Variants in IMPG1 observed in about 807,000 individuals in gnomAD.
IMPG1 encodes the protein interphotoreceptor matrix proteoglycan of 150 kDa.
Under a neutral mutation model 92.0 loss-of-function variants are expected in IMPG1, and 85 were observed. The ratio of observed to expected loss-of-function variants is 0.92; its 90% CI spans 0.78 to 1.11. The LOEUF (loss-of-function observed/expected upper bound fraction) is 1.11. Ranked by LOEUF, IMPG1 falls within the 50% of genes least tolerant of loss-of-function variation. The probability of loss-of-function intolerance (pLI) is 0.00; values close to 1 mark genes in which losing one functional copy is unlikely to be tolerated. For missense variants in IMPG1, 1,022 were observed against 956.0 expected, an observed-to-expected ratio of 1.07 and a Z score of -0.91; for synonymous variants, 367 against 334.1, an observed-to-expected ratio of 1.10 and a Z score of -1.08.
intron 12 of IMPG1, among the ~76,000 whole-genome samples, chr6:75,957,011 C>G (rs1782136685): frequency 6.6e-6 from 1 of 152,074 alleles, no homozygotes; most frequent in East Asian, 1.9e-4. Context: ...CTTCTGCCTC[C>G]CGGGTTTAAG....
At chr6:75,981,486 C>A (rs1782626827) in intron 12 of IMPG1, among the ~76,000 whole-genome samples, 1 of 152,132 alleles carries the variant, frequency 6.6e-6, no homozygotes, top group Admixed American at 6.5e-5. Flanking sequence ...TGTTAAAAAG[C>A]AAATACATGT....
Position 75,947,330 on chromosome 6 carries a change from A to T in IMPG1, c.2028T>A (p.Ser676=), listed in dbSNP as rs1313632045. 1 of 1,613,376 alleles carries T rather than the reference A, an allele frequency of 6.2e-7. No homozygotes were observed. Among genetic ancestry groups the T allele is most frequent in the Non-Finnish European group, 8.5e-7 (1 of 1,179,400 alleles). ...TTCTTTTACCTGGTTCAATGTTGAG[A>T]GAGTAGCTGTCTATTTCCAGATGGA... ...QQLHLEIDSY[S]LNIEPADQAD... The change falls in exon 14 of 17, where the codon TCT becomes TCA. Residue 676 remains serine (S), a synonymous_variant. Transcript: ENST00000369950.
At chr6:75,986,696 A>G (rs986749044) in intron 12 of IMPG1, among the ~76,000 whole-genome samples, 2 of 152,126 alleles carry the variant, frequency 1.3e-5, no homozygotes, top group African/African-American at 4.8e-5. Context: ...GTCAAATTGG[A>G]TCTCTTGCCC....
At chr6:75,974,393 T>TTCCTTCCTTCCTTCCTTGCTTGCTTCC (rs1313714060) in intron 12 of IMPG1, among the ~76,000 whole-genome samples, 3 of 65,008 alleles carry the variant, frequency 4.6e-5, no homozygotes, top group African/African-American at 1.8e-4. Context: ...CTTTCTTTCT[T>TTCCTTCCTTCCTTCCTTGCTTGCTTCC]TTCTTTCTTT....
chr6:76,043,677 G>C (rs1411864660), intron 1 of IMPG1, among the ~76,000 whole-genome samples: 1 of 152,158 alleles, frequency 6.6e-6, no homozygotes, highest in African/African-American at 2.4e-5. Flanking sequence ...CTATTTTATA[G>C]ATCTACTAAC....
intron 15 of IMPG1, among the ~76,000 whole-genome samples, chr6:75,925,319 A>G (rs150465713): frequency 5.1e-4 from 78 of 152,256 alleles, no homozygotes; most frequent in Non-Finnish European, 8.2e-4. Flanking sequence ...GATAGTGTAT[A>G]TGCATTTTGC....
chr6:76,048,832 C>T (rs1783989008), intron 1 of IMPG1, among the ~76,000 whole-genome samples: 1 of 152,182 alleles, frequency 6.6e-6, no homozygotes, highest in African/African-American at 2.4e-5. Context: ...CCATTTGACC[C>T]AGCAGTCCCA....
chr6:76,036,639 A>G (rs920091247), intron 2 of IMPG1, among the ~76,000 whole-genome samples: 3 of 152,240 alleles, frequency 2.0e-5, no homozygotes, highest in African/African-American at 2.4e-5. Flanking sequence ...ATTTTCAAGG[A>G]TAAACATAAA....
chr6:75,943,010 G>C (rs1781859940), intron 14 of IMPG1, among the ~76,000 whole-genome samples: 1 of 152,130 alleles, frequency 6.6e-6, no homozygotes, highest in Admixed American at 6.5e-5. Context: ...GAATTAAGAA[G>C]TTAATTAACT....
At chr6:76,051,581 T>C (rs981888217) in intron 1 of IMPG1, among the ~76,000 whole-genome samples, 82 of 152,294 alleles carry the variant, frequency 5.4e-4, no homozygotes, top group African/African-American at 1.9e-3. Context: ...AAACTTGTAG[T>C]TATTTCTTTT....
intron 14 of IMPG1, among the ~76,000 whole-genome samples, chr6:75,936,277 G>T (rs915946223): frequency 6.6e-5 from 10 of 152,202 alleles, no homozygotes; most frequent in African/African-American, 2.4e-4. Flanking sequence ...GTGTTCCACG[G>T]CATAAAGCCA....
chr6:75,978,233 T>C (rs939671958), intron 12 of IMPG1, among the ~76,000 whole-genome samples: 1 of 152,214 alleles, frequency 6.6e-6, no homozygotes, highest in East Asian at 1.9e-4. Flanking sequence ...CTTTTTGTCT[T>C]GGTTCTCCCT....
intron 12 of IMPG1, among the ~76,000 whole-genome samples, chr6:75,986,496 C>T (rs910852783): frequency 6.6e-6 from 1 of 152,108 alleles, no homozygotes; most frequent in Non-Finnish European, 1.5e-5. Context: ...AGGCTCAGAT[C>T]TAGAAGGGGA....
chr6:75,945,358 C>T (rs201547824), intron 14 of IMPG1, among the ~76,000 whole-genome samples: 4,061 of 121,514 alleles, frequency 0.033, 119 homozygotes, highest in African/African-American at 0.1. Context: ...TTTTTTTTTT[C>T]TTTTTTTTTT....
intron 15 of IMPG1, among the ~76,000 whole-genome samples, chr6:75,926,216 C>CT (rs1487090629): frequency 3.9e-5 from 6 of 152,190 alleles, no homozygotes; most frequent in African/African-American, 1.4e-4. Context: ...TCCAAGCGAA[C>CT]TGAGTTGTCT....
intron 1 of IMPG1, among the ~76,000 whole-genome samples, chr6:76,051,072 T>C (rs78712783): frequency 0.03 from 4,545 of 152,186 alleles, 230 homozygotes; most frequent in African/African-American, 0.1. Context: ...AGAGAGTAAG[T>C]AGGTAACATT....
intron 2 of IMPG1, among the ~76,000 whole-genome samples, chr6:76,039,718 A>T (rs1049340857): frequency 6.6e-6 from 1 of 152,164 alleles, no homozygotes; most frequent in African/African-American, 2.4e-5. Context: ...GGAGAGACAC[A>T]GGTGAGGTGA....
intron 12 of IMPG1, among the ~76,000 whole-genome samples, chr6:75,985,204 T>C (rs1257184821): frequency 6.6e-6 from 1 of 152,236 alleles, no homozygotes; most frequent in Non-Finnish European, 1.5e-5. Flanking sequence ...GGCAACCTAA[T>C]GTCTGAAGTG....
intron 1 of IMPG1, 139 bp from the exon 2 acceptor site, chr6:76,042,265 C>A: frequency 1.6e-6 from 1 of 615,892 alleles, no homozygotes; most frequent in Non-Finnish European, 2.9e-6. Flanking sequence ...AACTGCTAAA[C>A]GTAATATTCC....
Sources: gnomAD v4.1 joint callset for allele counts (sites outside exome capture counted in the v4.1 genomes callset) on GRCh38, gnomAD v4.1.1 for gene constraint, MANE v1.5 for transcripts, NCBI Gene and HGNC (gene_info 2026-07-23, HGNC 2026-07-21) for gene names.